The following STARD9 variants were observed in gnomAD, a reference collection of about 807,000 sequenced individuals.
STARD9 encodes stAR-related lipid transfer protein 9.
A neutral mutation model predicts 399.8 loss-of-function variants in STARD9; 346 were observed. The observed-to-expected ratio is 0.87, with a 90% CI of 0.79 to 0.95. The LOEUF (loss-of-function observed/expected upper bound fraction) is 0.95, where lower values mean the gene tolerates loss of function less well. STARD9 is among the 40% of genes least tolerant of loss of function. The probability of loss-of-function intolerance (pLI) is 0.00; values close to 1 mark genes in which losing one functional copy is unlikely to be tolerated. For missense variants in STARD9, 5,832 were observed against 5,667.5 expected, an observed-to-expected ratio of 1.03 and a Z score of -0.93; for synonymous variants, 2,203 against 2,143.5, an observed-to-expected ratio of 1.03 and a Z score of -0.77.
chr15:42,658,166 A>G (rs1462443115), intron 9 of STARD9, among the ~76,000 whole-genome samples: 2 of 151,972 alleles, frequency 1.3e-5, no homozygotes, highest in African/African-American at 2.4e-5. Flanking sequence ...TTTTTTTGAG[A>G]CAGGGTCACA....
At chr15:42,664,036 G>C (rs2060041552) in intron 13 of STARD9, 119 bp downstream of exon 13, 1 of 658,938 alleles carries the variant, frequency 1.5e-6, no homozygotes, top group Admixed American at 2.4e-5. Flanking sequence ...TTGTCCTCCA[G>C]ATGATGAGGG....
chr15:42,705,089 G>A (rs1158856619), intron 26 of STARD9, among the ~76,000 whole-genome samples: 3 of 152,162 alleles, frequency 2.0e-5, no homozygotes, highest in African/African-American at 7.2e-5. Flanking sequence ...TAGGCTGTGG[G>A]GTTTTTTCTG....
At chr15:42,626,562 G>A (rs1236476900) in intron 3 of STARD9, among the ~76,000 whole-genome samples, 2 of 151,198 alleles carry the variant, frequency 1.3e-5, no homozygotes, top group Non-Finnish European at 2.9e-5. Context: ...GCGCAGTGGC[G>A]CGATTTCGGC....
In STARD9 at chr15:42,674,976, T is replaced by A; in HGVS notation, c.1687+12T>A. On this transcript the variant is annotated intron_variant, in intron 18 of 32. Transcript: ENST00000290607. ...CCGTCTGACTCAAGGTAGGACTGTC[T>A]GTAGCCCTGTTTATCCCAAGATGAG... The A allele has an allele frequency of 6.6e-7, 1 of 1,516,888 alleles. No homozygotes were observed. The highest frequency in any genetic ancestry group is 8.8e-7 in the Non-Finnish European group (1 of 1,138,016). The allele number at this position is 1,516,888 out of a possible 1,614,324, so 94.0% of individuals were successfully genotyped here. A position where few individuals can be genotyped will look rare whatever the true frequency, so the allele number is the denominator to read the frequency against.
intron 9 of STARD9, among the ~76,000 whole-genome samples, chr15:42,660,854 G>T (rs944919997): frequency 6.6e-6 from 1 of 152,048 alleles, no homozygotes; most frequent in Non-Finnish European, 1.5e-5. Context: ...GTGGTAAATT[G>T]TACTGAAATT....
In STARD9 at chr15:42,651,079, C is replaced by T; in HGVS notation, c.623C>T (p.Ala208Val). The change falls in exon 8 of 33, where the codon GCA (alanine) becomes GTA (valine). Residue 208 changes from alanine to valine, a missense_variant. By Grantham distance (64) the Ala-to-Val change is moderately conservative (BLOSUM62 0). Coordinates refer to ENST00000290607, the MANE Select transcript of STARD9 (RefSeq NM_020759.3). ...ATCCAACTCTTGGAGGAGGGAATTG[C>T]AAACAGGTAACAGGTTTGTTTGTTT... ...QVIQLLEEGI[A>V]NRITAATHVH... is the part of the protein sequence containing the mutation. 6.5e-7 allele frequency: 1 copy of T among 1,532,610 alleles called. No individual in the cohort carries two copies. The highest frequency in any genetic ancestry group is 8.7e-7 in the Non-Finnish European group (1 of 1,143,252). The allele number at this position is 1,532,610 out of a possible 1,614,324, so 94.9% of individuals were successfully genotyped here.
intron 3 of STARD9, among the ~76,000 whole-genome samples, chr15:42,599,793 A>G (rs1030606155): frequency 6.6e-6 from 1 of 152,228 alleles, no homozygotes; most frequent in Non-Finnish European, 1.5e-5. Context: ...GCTGCGAGGA[A>G]TACAGAGTAG....
At position 42,718,092 on chromosome 15, in the gene STARD9, G is replaced by C. The variant is rs1423040367; in HGVS notation, c.13675G>C (p.Val4559Leu). 7.8e-6 allele frequency: 12 copies of C among 1,537,134 alleles called. No individual in the cohort carries two copies. Among genetic ancestry groups the C allele is most frequent in the Admixed American group, 2.0e-5 (1 of 50,984 alleles). Residue 4559 changes from valine (V) to leucine (L), a missense_variant, in exon 30 of 33, where the codon GTC becomes CTC. Around this residue, in one of 2 missense-constraint regions of STARD9, gnomAD observed 5,828 missense variants for 5,651.1 expected, o/e 1.03. Coordinates refer to ENST00000290607, the MANE Select transcript of STARD9 (RefSeq NM_020759.3). ...SQPLSRVWAA[V>L]SDPTVWPLYY... is the part of the protein sequence containing the mutation. ...GCCGCTGTCTCGTGTGTGGGCGGCT[G>C]TCAGTGACCCCACTGTGTGGCCCCT...
At chr15:42,670,283 T>C (rs1283932111) in intron 16 of STARD9, 1 of 151,660 alleles carries the variant, frequency 6.6e-6, no homozygotes, top group African/African-American at 2.4e-5. Flanking sequence ...AGAGCTAGAG[T>C]AGTGTGATGG....
At chr15:42,581,933 A>C (rs1326299158) in intron 1 of STARD9, among the ~76,000 whole-genome samples, 2 of 152,118 alleles carry the variant, frequency 1.3e-5, no homozygotes, top group African/African-American at 4.8e-5. Flanking sequence ...GGAGAATCGC[A>C]TGAACCCAGG....
chr15:42,597,572 T>C (rs917205716), intron 3 of STARD9, among the ~76,000 whole-genome samples: 23 of 152,046 alleles, frequency 1.5e-4, no homozygotes, highest in African/African-American at 5.6e-4. Flanking sequence ...AGTCTCGCTC[T>C]GTTGCCCAGA....
intron 26 of STARD9, among the ~76,000 whole-genome samples, chr15:42,709,702 A>G (rs2061169781): frequency 6.6e-6 from 1 of 152,136 alleles, no homozygotes; most frequent in African/African-American, 2.4e-5. Flanking sequence ...AGCCCCCCAA[A>G]AAAATATTGG....
rs1355633688 is a variant in STARD9, at chr15:42,663,455, G to C, written c.1043G>C (p.Ser348Thr). ...DSVLTWLLKD[S>T]LGGNSKTIMV... Reference sequence around the variant, plus strand: ...GTGTTGACCTGGCTGCTGAAGGACAGCCTTGGAGGCAACTCTAAAACCATC... The same window carrying C: ...GTGTTGACCTGGCTGCTGAAGGACACCCTTGGAGGCAACTCTAAAACCATC... Residue 348 changes from serine (S) to threonine (T), a missense_variant, in exon 12 of 33, where the codon AGC becomes ACC. This residue lies in a region of STARD9 where 5,828 missense variants were observed against 5,651.1 expected (regional missense o/e 1.03). Transcript: ENST00000290607. The C allele has an allele frequency of 3.9e-6, 6 of 1,537,300 alleles. No individual in the cohort carries two copies. In the East Asian group the frequency reaches 9.8e-5, roughly 25 times the overall value.
At chr15:42,649,319 C>T (rs1266079774) in intron 7 of STARD9, among the ~76,000 whole-genome samples, 2 of 152,160 alleles carry the variant, frequency 1.3e-5, no homozygotes, top group East Asian at 1.9e-4. Flanking sequence ...TGAGCCACTG[C>T]ACCCGGCTCC....
Position 42,690,657 on chromosome 15 carries a change from C to A in STARD9, c.9079C>A (p.Pro3027Thr), listed in dbSNP as rs1346286437. ...TGTGCACTTGACACATGGCCTTGAG[C>A]CCAAAGATGTTAACAGGGAATTTAG... is the stretch of plus-strand genomic sequence containing the variant. ...PDVHLTHGLE[P>T]KDVNREFRLT... Residue 3027 changes from proline to threonine, a missense_variant, in exon 23 of 33, where the codon CCC becomes ACC. Pro to Thr is a conservative substitution (Grantham distance 38). Coordinates refer to ENST00000290607, the MANE Select transcript of STARD9 (RefSeq NM_020759.3). 3.3e-6 allele frequency: 5 copies of A among 1,537,044 alleles called. No individual in the cohort carries two copies. The African/African-American group carries it at 6.8e-5, about 21-fold the overall frequency.
chr15:42,694,998 T>TA lies in STARD9; in HGVS notation c.12963-136dup, dbSNP rs550555857. 2,601 of 815,994 alleles carry TA rather than the reference T, an allele frequency of 3.2e-3. 19 individuals carry two copies. Among genetic ancestry groups the TA allele is most frequent in the South Asian group, 0.016 (839 of 52,642 alleles). 50.5% of individuals were successfully genotyped at this position (815,994 alleles called of 1,614,324 possible). On this transcript the variant is annotated intron_variant, in intron 24 of 32. Coordinates refer to ENST00000290607, the MANE Select transcript of STARD9 (RefSeq NM_020759.3). The stretch of plus-strand genomic sequence containing the variant: ...TCTGTCCAGCAACCTCTCCTGAGGC[T>TA]AAAAAATCATACTTTAAAACCCTGT...
At chr15:42,647,188 T>G (rs1370607193) in intron 7 of STARD9, among the ~76,000 whole-genome samples, 1 of 152,338 alleles carries the variant, frequency 6.6e-6, no homozygotes, top group Middle Eastern at 3.4e-3. Flanking sequence ...AAATTTTCCA[T>G]GTATGCTTGA....
At chr15:42,694,874 A>C in intron 24 of STARD9, 149 bp downstream of exon 24, 1 of 230,118 alleles carries the variant, frequency 4.3e-6, no homozygotes, top group Non-Finnish European at 8.3e-6. Context: ...GGAATGAGGG[A>C]GGGGGTGGGC....
At position 42,693,671 on chromosome 15, in the gene STARD9, T is replaced by A; in HGVS notation, c.12093T>A (p.Phe4031Leu). Residue 4031 changes from phenylalanine (F) to leucine (L), a missense_variant, in exon 23 of 33, where the codon TTT (phenylalanine) becomes TTA (leucine). Physicochemically the swap from Phe to Leu is conservative, Grantham distance 22. Around this residue, in one of 2 missense-constraint regions of STARD9, gnomAD observed 5,828 missense variants for 5,651.1 expected, o/e 1.03. Coordinates refer to ENST00000290607, the MANE Select transcript of STARD9 (RefSeq NM_020759.3). ...GGAGCCAAAGGCTGGGCAACAGCTT[T>A]GTGCCTGAGAAGGTGGCTTCCCCGG... ...RHRSQRLGNS[F>L]VPEKVASPEH... 3 of 1,537,192 alleles carry A rather than the reference T, an allele frequency of 2.0e-6. No individual in the cohort carries two copies. Among genetic ancestry groups the A allele is most frequent in the Non-Finnish European group, 2.6e-6 (3 of 1,146,912 alleles).
Sources: allele counts gnomAD v4.1 joint callset (sites outside exome capture counted in the v4.1 genomes callset), GRCh38; gene constraint gnomAD v4.1.1; regional missense constraint gnomAD v4.1.1; transcripts MANE v1.5; gene names NCBI Gene and HGNC (gene_info 2026-07-23, HGNC 2026-07-21).